The following TUFT1 variants were observed in gnomAD, a reference collection of about 807,000 sequenced individuals.
TUFT1 encodes the protein tuftelin.
Under a neutral mutation model 57.8 loss-of-function variants are expected in TUFT1, and 43 were observed. The observed-to-expected ratio is 0.74, with a 90% CI of 0.58 to 0.96. TUFT1 has a LOEUF of 0.96. TUFT1 is among the 40% of genes least tolerant of loss of function. The probability of loss-of-function intolerance (pLI) is 0.00; values close to 1 mark genes in which losing one functional copy is unlikely to be tolerated. For synonymous variants in TUFT1, 166 were observed against 176.7 expected (o/e 0.94, Z 0.48); for missense variants, 459 against 489.0 (o/e 0.94, Z 0.58).
At chr1:151,565,981 C>G in intron 5 of TUFT1, 182 bp from the exon 6 acceptor site, 1 of 487,952 alleles carries the variant, frequency 2.0e-6, no homozygotes. Context: ...TTCCTCTTCT[C>G]CTTTCTTCAT....
intron 1 of TUFT1, among the ~76,000 whole-genome samples, chr1:151,558,663 AG>A: frequency 6.6e-6 from 1 of 152,208 alleles, no homozygotes; most frequent in African/African-American, 2.4e-5. Context: ...TGGAATGCGT[AG>A]GTTTATGAAA....
At chr1:151,557,770 A>G in intron 1 of TUFT1, 1 of 767,962 alleles carries the variant, frequency 1.3e-6, no homozygotes, top group South Asian at 1.3e-5. Context: ...AAAGGTCTGA[A>G]GGGTGAGCGA....
At chr1:151,573,405 G>C (rs779036559) in intron 7 of TUFT1, among the ~76,000 whole-genome samples, 1 of 152,176 alleles carries the variant, frequency 6.6e-6, no homozygotes, top group Non-Finnish European at 1.5e-5. Flanking sequence ...AAGAAAGGAG[G>C]CAAGTTCTTT....
chr1:151,567,439 T>C (rs74849636), intron 6 of TUFT1, among the ~76,000 whole-genome samples: 2 of 152,000 alleles, frequency 1.3e-5, no homozygotes, highest in Non-Finnish European at 2.9e-5. Context: ...TCATCATGTT[T>C]CCCAGGCTCA....
At chr1:151,574,221 T>C in intron 7 of TUFT1, 49 bp from the exon 8 acceptor site, 1 of 1,573,476 alleles carries the variant, frequency 6.4e-7, no homozygotes, top group Non-Finnish European at 8.6e-7. Context: ...TTTTTCCATG[T>C]TTGCTCTTTT....
chr1:151,562,566 C>CTG lies in TUFT1; in HGVS notation c.136-18_136-17insGT. On this transcript the variant is annotated intron_variant, in intron 2 of 12. Transcript: ENST00000368849. ...GCCATCTCTCTCTCTCTCTCTCTCTCTCATCTCTCTTTGGCCAGGCGGGCA... is the reference window on the plus strand; with the variant it reads ...GCCATCTCTCTCTCTCTCTCTCTCTCTGTCATCTCTCTTTGGCCAGGCGGGCA... 6.3e-7 allele frequency: 1 copy of CTG among 1,584,866 alleles called. No homozygotes were observed. The highest frequency in any genetic ancestry group is 8.6e-7 in the Non-Finnish European group (1 of 1,156,404).
At chr1:151,567,663 A>G (rs1666126048) in intron 6 of TUFT1, among the ~76,000 whole-genome samples, 1 of 152,130 alleles carries the variant, frequency 6.6e-6, no homozygotes, top group Admixed American at 6.5e-5. Context: ...CTCGTGCCTC[A>G]GCGTACTGAG....
chr1:151,546,107 CCTCT>C (rs1428956098), intron 1 of TUFT1, among the ~76,000 whole-genome samples: 1 of 141,584 alleles, frequency 7.1e-6, no homozygotes, highest in African/African-American at 2.7e-5. Flanking sequence ...TTTTTTTCAT[CCTCT>C]CTCTCTTTTT....
At chr1:151,562,788 G>C (rs1665939628) in intron 3 of TUFT1, 102 bp downstream of exon 3, 4 of 983,450 alleles carry the variant, frequency 4.1e-6, no homozygotes. Context: ...CTTGTGGTTT[G>C]ATGGAAGGAA....
chr1:151,574,103 G>A (rs1666358974), intron 7 of TUFT1, among the ~76,000 whole-genome samples, 167 bp from the exon 8 acceptor site: 1 of 152,164 alleles, frequency 6.6e-6, no homozygotes, highest in Non-Finnish European at 1.5e-5. Context: ...GAGTGCTGAG[G>A]TGGTCCTGTG....
At chr1:151,562,221 G>A (rs1665920064) in intron 2 of TUFT1, 56 bp downstream of exon 2, 2 of 1,502,452 alleles carry the variant, frequency 1.3e-6, no homozygotes, top group African/African-American at 2.7e-5. Context: ...CTTCCTTGCT[G>A]CTGGCCTCTT....
chr1:151,564,644 C>T (rs942766373), intron 5 of TUFT1, 30 bp downstream of exon 5: 1 of 1,587,742 alleles, frequency 6.3e-7, no homozygotes, highest in Admixed American at 1.7e-5. Flanking sequence ...GGTTGGGTCC[C>T]CACCGAGGAG....
At chr1:151,568,871 C>T (rs1214718234) in intron 6 of TUFT1, among the ~76,000 whole-genome samples, 1 of 152,188 alleles carries the variant, frequency 6.6e-6, no homozygotes, top group Non-Finnish European at 1.5e-5. Context: ...AGGGAGTGTA[C>T]TGACTGCCTC....
intron 1 of TUFT1, among the ~76,000 whole-genome samples, chr1:151,556,242 C>A (rs1240761600): frequency 6.6e-6 from 1 of 152,126 alleles, no homozygotes; most frequent in African/African-American, 2.4e-5. Context: ...TTAACCATTT[C>A]TCTACTGAAG....
At chr1:151,548,934 G>C (rs1347097490) in intron 1 of TUFT1, among the ~76,000 whole-genome samples, 1 of 152,018 alleles carries the variant, frequency 6.6e-6, no homozygotes, top group Non-Finnish European at 1.5e-5. Context: ...TATTTCCCTG[G>C]GGCCTCCCTG....
chr1:151,566,343 T>C, intron 6 of TUFT1, 115 bp downstream of exon 6: 1 of 793,872 alleles, frequency 1.3e-6, no homozygotes, highest in Non-Finnish European at 2.0e-6. Context: ...AATACAAGAG[T>C]AGTAGTTGAC....
At chr1:151,576,571 C>G (rs1014096146) in intron 9 of TUFT1, among the ~76,000 whole-genome samples, 1 of 152,168 alleles carries the variant, frequency 6.6e-6, no homozygotes, top group African/African-American at 2.4e-5. Flanking sequence ...ATCCTCTTTT[C>G]AGGTTTGTTA....
intron 5 of TUFT1, among the ~76,000 whole-genome samples, chr1:151,565,272 C>G (rs760883771): frequency 1.1e-4 from 16 of 152,178 alleles, no homozygotes; most frequent in African/African-American, 3.9e-4. Context: ...TCAGTTTTTC[C>G]AAAACTCGAG....
chr1:151,547,676 C>G (rs1665382556), intron 1 of TUFT1, among the ~76,000 whole-genome samples: 1 of 152,166 alleles, frequency 6.6e-6, no homozygotes, highest in Non-Finnish European at 1.5e-5. Flanking sequence ...AGGGCAGAGC[C>G]ACTCCCTTTG....
Sources: gnomAD v4.1 joint callset for allele counts (sites outside exome capture counted in the v4.1 genomes callset) on GRCh38, gnomAD v4.1.1 for gene constraint, MANE v1.5 for transcripts, NCBI Gene and HGNC (gene_info 2026-07-23, HGNC 2026-07-21) for gene names.